Variants in MDGA2 observed in about 807,000 individuals in gnomAD.
The protein encoded by MDGA2 is MAM domain containing glycosylphosphatidylinositol anchor 2.
In MDGA2, 40 loss-of-function variants were observed where a neutral mutation model predicts 117.8. The ratio of observed to expected loss-of-function variants is 0.34; its 90% CI spans 0.26 to 0.44. The LOEUF (loss-of-function observed/expected upper bound fraction) is 0.44. Ranked by LOEUF, MDGA2 falls within the 20% of genes least tolerant of loss-of-function variation. The pLI, the probability that MDGA2 is intolerant of heterozygous loss-of-function variation, is 1.00. For synonymous variants in MDGA2, 452 were observed against 439.0 expected (o/e 1.03, Z -0.37); for missense variants, 1,123 against 1,250.6 (o/e 0.90, Z 1.54).
intron 1 of MDGA2, among the ~76,000 whole-genome samples, chr14:47,657,435 C>T (rs544916256): frequency 1.3e-5 from 2 of 152,268 alleles, no homozygotes; most frequent in South Asian, 4.1e-4. Context: ...ATAGCAAAAG[C>T]TCCCATTCAT....
At chr14:47,216,545 C>G (rs1201864672) in intron 3 of MDGA2, among the ~76,000 whole-genome samples, 2 of 152,068 alleles carry the variant, frequency 1.3e-5, no homozygotes, top group African/African-American at 2.4e-5. Context: ...TAGTTAACAT[C>G]AAGTTTTGCT....
At chr14:47,438,138 C>T (rs1892933970) in intron 1 of MDGA2, among the ~76,000 whole-genome samples, 2 of 152,260 alleles carry the variant, frequency 1.3e-5, no homozygotes, top group Non-Finnish European at 2.9e-5. Context: ...TGGGTACAAC[C>T]TATCCATTAC....
rs556045906 is a variant in MDGA2, at chr14:47,165,014, C to T, written c.596-20740G>A. On this transcript the variant is annotated intron_variant, in intron 3 of 16. Coordinates refer to ENST00000399232, the MANE Select transcript of MDGA2 (RefSeq NM_001113498.3). Reference sequence around the variant, plus strand: ...ACTATTGCAAGGACGAAAAACCAAACGCCACATGTTCTCACTCATAGGTGG... The same window carrying T: ...ACTATTGCAAGGACGAAAAACCAAATGCCACATGTTCTCACTCATAGGTGG... Among the ~76,000 whole-genome samples, 427 of 152,096 alleles carry T rather than the reference C, an allele frequency of 2.8e-3. 6 individuals carry two copies. Among genetic ancestry groups the T allele is most frequent in the African/African-American group, 9.2e-3 (382 of 41,476 alleles).
At chr14:47,252,934 C>T (rs72680259) in intron 2 of MDGA2, among the ~76,000 whole-genome samples, 14,168 of 151,962 alleles carry the variant, frequency 0.093, 738 homozygotes, top group East Asian at 0.23. Context: ...TGGCAGAAGG[C>T]GAAGCAAACA....
intron 1 of MDGA2, among the ~76,000 whole-genome samples, chr14:47,620,118 C>T (rs571156807): frequency 5.4e-4 from 82 of 152,322 alleles, no homozygotes; most frequent in African/African-American, 1.8e-3. Flanking sequence ...AGGACCTAAC[C>T]ATGCATGTAA....
chr14:47,003,331 A>G (rs2138499079), intron 8 of MDGA2, among the ~76,000 whole-genome samples: 1 of 151,842 alleles, frequency 6.6e-6, no homozygotes, highest in East Asian at 1.9e-4. Context: ...CTAGATGTGG[A>G]TTATAATAAG....
chr14:47,219,931 T>C (rs1419594958), intron 2 of MDGA2, among the ~76,000 whole-genome samples: 4 of 152,124 alleles, frequency 2.6e-5, no homozygotes, highest in Non-Finnish European at 4.4e-5. Flanking sequence ...TAGTGAAATA[T>C]GTTATTTTCT....
At chr14:47,009,911 T>C (rs1007315501) in intron 8 of MDGA2, among the ~76,000 whole-genome samples, 3 of 152,048 alleles carry the variant, frequency 2.0e-5, no homozygotes, top group Non-Finnish European at 4.4e-5. Context: ...ATATACATCA[T>C]GCTATTTCTA....
At chr14:47,621,856 G>A (rs1261694941) in intron 1 of MDGA2, among the ~76,000 whole-genome samples, 1 of 152,122 alleles carries the variant, frequency 6.6e-6, no homozygotes, top group African/African-American at 2.4e-5. Flanking sequence ...CGAAAAATAA[G>A]TTTTTATTGT....
intron 2 of MDGA2, among the ~76,000 whole-genome samples, chr14:47,271,950 C>A (rs1056624446): frequency 6.6e-6 from 1 of 152,004 alleles, no homozygotes; most frequent in Non-Finnish European, 1.5e-5. Context: ...ATTGTGTACA[C>A]CCCAGTTTTG....
At chr14:47,093,000 A>G (rs1023456045) in intron 6 of MDGA2, among the ~76,000 whole-genome samples, 2 of 152,020 alleles carry the variant, frequency 1.3e-5, no homozygotes, top group African/African-American at 4.8e-5. Flanking sequence ...TCACCAAGGA[A>G]TTGGGGAAGC....
At chr14:46,889,175 A>G (rs1459492271) in intron 10 of MDGA2, among the ~76,000 whole-genome samples, 1 of 152,068 alleles carries the variant, frequency 6.6e-6, no homozygotes, top group African/African-American at 2.4e-5. Flanking sequence ...TTTATTTTCT[A>G]CTAGTAATAG....
At chr14:47,012,901 T>C (rs1265035625) in intron 8 of MDGA2, among the ~76,000 whole-genome samples, 1 of 151,990 alleles carries the variant, frequency 6.6e-6, no homozygotes, top group Non-Finnish European at 1.5e-5. Context: ...CAGCATTGAG[T>C]CTAAAAAAAC....
chr14:47,184,977 G>T (rs1367437048), intron 3 of MDGA2, among the ~76,000 whole-genome samples: 1 of 151,104 alleles, frequency 6.6e-6, no homozygotes, highest in African/African-American at 2.4e-5. Flanking sequence ...GAAAGAAAAT[G>T]AAGCAAATAA....
At chr14:47,375,557 C>A (rs1349210220) in intron 1 of MDGA2, among the ~76,000 whole-genome samples, 1 of 152,014 alleles carries the variant, frequency 6.6e-6, no homozygotes, top group African/African-American at 2.4e-5. Context: ...AGAATATTAA[C>A]TTTTAACTCA....
intron 6 of MDGA2, 78 bp from the exon 7 acceptor site, chr14:47,061,656 C>A: frequency 8.5e-7 from 1 of 1,172,520 alleles, no homozygotes; most frequent in South Asian, 1.6e-5. Flanking sequence ...ATAATCATCT[C>A]TGAGCTGAAA....
chr14:47,184,818 T>C (rs1453032259), intron 3 of MDGA2, among the ~76,000 whole-genome samples: 1 of 151,684 alleles, frequency 6.6e-6, no homozygotes, highest in Non-Finnish European at 1.5e-5. Flanking sequence ...ATATATATCA[T>C]GAAGGGAACT....
At chr14:47,046,920 A>T (rs1594563603) in intron 7 of MDGA2, among the ~76,000 whole-genome samples, 2 of 152,258 alleles carry the variant, frequency 1.3e-5, no homozygotes, top group East Asian at 3.9e-4. Flanking sequence ...CTTTAAATTA[A>T]TAGCAACTAC....
At chr14:46,975,140 G>A (rs1201722386) in intron 8 of MDGA2, among the ~76,000 whole-genome samples, 1 of 151,976 alleles carries the variant, frequency 6.6e-6, no homozygotes, top group Non-Finnish European at 1.5e-5. Flanking sequence ...AAACTACAAT[G>A]AGATGCCATT....
Sources: allele counts gnomAD v4.1 joint callset (sites outside exome capture counted in the v4.1 genomes callset), GRCh38; gene constraint gnomAD v4.1.1; transcripts MANE v1.5; gene names NCBI Gene and HGNC (gene_info 2026-07-23, HGNC 2026-07-21).